EVI5: variants seen among roughly 807,000 people sequenced by gnomAD.
EVI5 encodes ecotropic viral integration site 5 protein homolog.
Under a neutral mutation model 112.0 loss-of-function variants are expected in EVI5, and 73 were observed. The observed-to-expected ratio is 0.65, with a 90% CI of 0.54 to 0.79. EVI5 has a LOEUF of 0.79. EVI5 is among the 30% of genes least tolerant of loss of function. The pLI is 0.00. For missense variants in EVI5, 900 were observed against 968.8 expected (o/e 0.93, Z 0.94); for synonymous variants, 305 against 319.9 (o/e 0.95, Z 0.50).
At chr1:92,722,092 T>C (rs1674843170) in intron 2 of EVI5, among the ~76,000 whole-genome samples, 1 of 152,202 alleles carries the variant, frequency 6.6e-6, no homozygotes, top group Non-Finnish European at 1.5e-5. Flanking sequence ...ACAAATTGTA[T>C]ATATTTATCA....
At chr1:92,668,029 C>A (rs115009085) in intron 10 of EVI5, among the ~76,000 whole-genome samples, 3,118 of 152,240 alleles carry the variant, frequency 0.02, 124 homozygotes, top group African/African-American at 0.07. Context: ...TCAGAAAATT[C>A]TTCCATCAAT....
At chr1:92,765,224 T>C (rs1558225516) in intron 1 of EVI5, among the ~76,000 whole-genome samples, 2 of 147,978 alleles carry the variant, frequency 1.4e-5, no homozygotes, top group African/African-American at 2.5e-5. Context: ...CCTTTTTTTT[T>C]TTTTTTTTTT....
At chr1:92,712,941 T>A (rs554931889) in intron 2 of EVI5, among the ~76,000 whole-genome samples, 57 of 150,780 alleles carry the variant, frequency 3.8e-4, no homozygotes, top group Non-Finnish European at 6.1e-4. Flanking sequence ...AGATGAAAAA[T>A]ATATATATAA....
chr1:92,781,142 G>A (rs1446549886), intron 1 of EVI5, among the ~76,000 whole-genome samples: 4 of 151,582 alleles, frequency 2.6e-5, no homozygotes, highest in Admixed American at 1.3e-4. Context: ...GAGCCACCAC[G>A]CCCGGCCTAA....
At chr1:92,562,014 A>G (rs542646617) in intron 19 of EVI5, among the ~76,000 whole-genome samples, 1 of 152,200 alleles carries the variant, frequency 6.6e-6, no homozygotes, top group Non-Finnish European at 1.5e-5. Flanking sequence ...TAGTTTTAGA[A>G]ATAAAGTCAA....
intron 13 of EVI5, among the ~76,000 whole-genome samples, chr1:92,660,638 T>C (rs1012157156): frequency 6.6e-6 from 1 of 152,014 alleles, no homozygotes; most frequent in Admixed American, 6.6e-5. Context: ...ATTACTCTGA[T>C]TTGATGTGTC....
intron 2 of EVI5, among the ~76,000 whole-genome samples, chr1:92,734,478 CT>C (rs35172325): frequency 0.92 from 138,739 of 151,024 alleles, 63,796 homozygotes; most frequent in East Asian, 0.97. Flanking sequence ...TCTTTTTCTT[CT>C]TTTTTTTTTG....
chr1:92,594,442 A>G (rs1647202145), intron 18 of EVI5, among the ~76,000 whole-genome samples: 3 of 151,506 alleles, frequency 2.0e-5, no homozygotes, highest in South Asian at 4.2e-4. Context: ...CTTACATGTT[A>G]GACCTAAAAC....
At chr1:92,708,978 G>GT (rs1277925469) in intron 2 of EVI5, among the ~76,000 whole-genome samples, 1 of 152,182 alleles carries the variant, frequency 6.6e-6, no homozygotes, top group Non-Finnish European at 1.5e-5. Flanking sequence ...GACTGCTAAT[G>GT]TGTGTGCAGT....
rs1659095197 is a variant in EVI5 at position 92,509,983 on chromosome 1, A to G, written c.*3673T>C. On this transcript the variant is annotated 3_prime_UTR_variant, in exon 20 of 20. Transcript: ENST00000684568. Reference sequence around the variant, plus strand: ...TCAAAGTCTTGAACAACATACTTACATTAATTTGAATGAAAAGGAGTCAAA... The same window carrying G: ...TCAAAGTCTTGAACAACATACTTACGTTAATTTGAATGAAAAGGAGTCAAA... 6.6e-6 allele frequency: 1 copy of G among 152,244 alleles called. No individual in the cohort carries two copies. The highest frequency in any genetic ancestry group is 1.5e-5 in the Non-Finnish European group (1 of 68,044). 9.4% of individuals were successfully genotyped at this position (152,244 alleles called of 1,614,324 possible).
chr1:92,550,784 ATAT>A (rs1666744465), intron 19 of EVI5, among the ~76,000 whole-genome samples: 2 of 69,878 alleles, frequency 2.9e-5, no homozygotes, highest in African/African-American at 1.4e-4. Flanking sequence ...AAAAAAAAAT[ATAT>A]ATATATATAT....
At position 92,693,861 on chromosome 1, in the gene EVI5, G is replaced by A. The variant is rs201930710; in HGVS notation, c.1038C>T (p.Val346=). Reference sequence around the variant, plus strand: ...AAGCTGCTTGGATTAGCTTGTCTGGGACACCATCAAACTGATGTGGAATGA... The same window carrying A: ...AAGCTGCTTGGATTAGCTTGTCTGGAACACCATCAAACTGATGTGGAATGA... The part of the protein sequence containing the change: ...QKVIPHQFDG[V]PDKLIQAAYQ... The change falls in exon 9 of 20, where the codon GTC becomes GTT. Residue 346 remains valine, a synonymous_variant. Transcript: ENST00000684568. The A allele has an allele frequency of 6.2e-7, 1 of 1,607,022 alleles. No homozygotes were observed. The highest frequency in any genetic ancestry group is 8.5e-7 in the Non-Finnish European group (1 of 1,174,318).
At chr1:92,583,719 TTCTC>T (rs143010245) in intron 18 of EVI5, among the ~76,000 whole-genome samples, 95 of 150,414 alleles carry the variant, frequency 6.3e-4, no homozygotes, top group East Asian at 4.8e-3. Context: ...TACCAATGCC[TTCTC>T]TCTCTCTCTC....
At chr1:92,762,898 A>G (rs1038393539) in intron 1 of EVI5, among the ~76,000 whole-genome samples, 3 of 152,176 alleles carry the variant, frequency 2.0e-5, no homozygotes, top group Non-Finnish European at 4.4e-5. Context: ...TGGCTACACT[A>G]AAAGTCCAGA....
intron 19 of EVI5, among the ~76,000 whole-genome samples, chr1:92,517,067 A>C (rs1361082783): frequency 6.6e-6 from 1 of 152,092 alleles, no homozygotes; most frequent in African/African-American, 2.4e-5. Context: ...CAGAATATAC[A>C]TTTTTTACAC....
At chr1:92,721,229 T>C (rs148359802) in intron 2 of EVI5, among the ~76,000 whole-genome samples, 150 of 152,340 alleles carry the variant, frequency 9.8e-4, no homozygotes, top group African/African-American at 3.4e-3. Flanking sequence ...CATGCACACG[T>C]ATGTTTATTG....
chr1:92,539,763 T>C (rs1277471439), intron 19 of EVI5, among the ~76,000 whole-genome samples: 1 of 152,146 alleles, frequency 6.6e-6, no homozygotes, highest in Non-Finnish European at 1.5e-5. Flanking sequence ...TGATGGCTTT[T>C]AGTATATGCA....
At chr1:92,644,363 A>C (rs1660546953) in intron 13 of EVI5, among the ~76,000 whole-genome samples, 1 of 152,214 alleles carries the variant, frequency 6.6e-6, no homozygotes, top group South Asian at 2.1e-4. Flanking sequence ...ACTGGGCCAC[A>C]CCTGTAAAAA....
Position 92,624,273 on chromosome 1 carries a change from T to A in EVI5, c.1730A>T (p.Glu577Val), listed in dbSNP as rs202092804. The A allele has an allele frequency of 1.6e-5, 26 of 1,612,142 alleles. No individual in the cohort carries two copies. The highest frequency in any genetic ancestry group is 2.0e-5 in the Non-Finnish European group (24 of 1,178,348). ...KDPPKKNAMN[E>V]LQDELMTIRL... is the part of the protein sequence containing the mutation. ...AATGGTCATCAGTTCATCTTGTAAC[T>A]CATTCATAGCATTTTTCTTGGGTGG... The change falls in exon 16 of 20, where the codon GAG becomes GTG. Residue 577 changes from glutamate (E) to valine (V), a missense_variant. Transcript: ENST00000684568.
Sources: gnomAD v4.1 joint callset for allele counts (sites outside exome capture counted in the v4.1 genomes callset) on GRCh38, gnomAD v4.1.1 for gene constraint, MANE v1.5 for transcripts, NCBI Gene and HGNC (gene_info 2026-07-23, HGNC 2026-07-21) for gene names.